PTPRG: variants seen among roughly 807,000 people sequenced by gnomAD.
PTPRG encodes protein tyrosine phosphatase receptor type G, also known as receptor-type tyrosine-protein phosphatase gamma.
A neutral mutation model predicts 165.3 loss-of-function variants in PTPRG; 102 were observed. The observed-to-expected ratio is 0.62, with a 90% confidence interval of 0.53 to 0.73. The LOEUF is 0.73. Among genes scored for constraint, PTPRG ranks in the 30% least tolerant of loss-of-function variants. The probability of loss-of-function intolerance (pLI) is 0.00; values close to 1 mark genes in which losing one functional copy is unlikely to be tolerated. For missense variants in PTPRG, 1,866 were observed against 1,861.4 expected, an observed-to-expected ratio of 1.00 and a Z score of -0.05; for synonymous variants, 675 against 669.5, an observed-to-expected ratio of 1.01 and a Z score of -0.13.
chr3:61,859,070 A>AT (rs2037190070), intron 2 of PTPRG, among the ~76,000 whole-genome samples: 1 of 152,206 alleles, frequency 6.6e-6, no homozygotes, highest in East Asian at 1.9e-4. Context: ...TTAGGAGTTG[A>AT]TTTTTTTAAG....
intron 17 of PTPRG, 87 bp downstream of exon 17, chr3:62,262,981 C>G (rs1481116532): frequency 1.1e-6 from 1 of 932,104 alleles, no homozygotes; most frequent in African/African-American, 1.7e-5. Context: ...CAGTCAGAAG[C>G]AGGATGCCAA....
intron 1 of PTPRG, among the ~76,000 whole-genome samples, chr3:61,660,153 A>AG (rs1385337055): frequency 6.6e-6 from 1 of 152,162 alleles, no homozygotes; most frequent in East Asian, 1.9e-4. Context: ...TGAACCTGGG[A>AG]GGTAGAGGTT....
In PTPRG at chr3:62,191,661, G is replaced by A; in HGVS notation, c.1218+8G>A. The A allele has an allele frequency of 1.2e-6, 2 of 1,613,016 alleles. No homozygotes were observed. The highest frequency in any genetic ancestry group is 1.7e-6 in the Non-Finnish European group (2 of 1,179,186). On this transcript the variant is annotated splice_region_variant and intron_variant, in intron 9 of 29. Coordinates refer to ENST00000474889, the MANE Select transcript of PTPRG (RefSeq NM_002841.4). ...GACAGCGACAAAGACTTGGTATGAA[G>A]CCCCTCCTCTGATTCAGGGTACATG... is the stretch of plus-strand genomic sequence containing the variant.
intron 5 of PTPRG, among the ~76,000 whole-genome samples, chr3:62,096,496 G>A (rs942476980): frequency 3.3e-5 from 5 of 152,072 alleles, no homozygotes; most frequent in African/African-American, 1.2e-4. Context: ...TTCTGGTTCT[G>A]TTTTAATTTT....
chr3:61,851,153 A>G (rs2036953553), intron 2 of PTPRG, among the ~76,000 whole-genome samples: 1 of 152,224 alleles, frequency 6.6e-6, no homozygotes, highest in Non-Finnish European at 1.5e-5. Context: ...GTTGCAAACA[A>G]CTGAAGGCTG....
At chr3:62,068,423 A>T (rs898384786) in intron 4 of PTPRG, among the ~76,000 whole-genome samples, 1 of 152,156 alleles carries the variant, frequency 6.6e-6, no homozygotes, top group African/African-American at 2.4e-5. Context: ...CTTATATTAA[A>T]TGGAATGAAT....
intron 1 of PTPRG, among the ~76,000 whole-genome samples, chr3:61,607,065 C>G (rs887811519): frequency 1.3e-5 from 2 of 152,196 alleles, no homozygotes; most frequent in African/African-American, 4.8e-5. Flanking sequence ...AAAGAGGACT[C>G]TCTGCCAAGA....
intron 8 of PTPRG, among the ~76,000 whole-genome samples, chr3:62,169,768 C>T (rs529192221): frequency 6.6e-6 from 1 of 152,248 alleles, no homozygotes; most frequent in Non-Finnish European, 1.5e-5. Flanking sequence ...TTTATCAACA[C>T]TGGAGGTAGA....
intron 1 of PTPRG, among the ~76,000 whole-genome samples, chr3:61,745,777 A>G (rs539353244): frequency 6.6e-6 from 1 of 152,318 alleles, no homozygotes; most frequent in Non-Finnish European, 1.5e-5. Flanking sequence ...GGTTGGTTTT[A>G]AAGTAGCCCA....
At chr3:61,640,907 G>T (rs1396211218) in intron 1 of PTPRG, among the ~76,000 whole-genome samples, 2 of 152,176 alleles carry the variant, frequency 1.3e-5, no homozygotes, top group Admixed American at 6.5e-5. Context: ...GAAGGTGTTT[G>T]CCCATCAGAA....
chr3:61,972,704 G>A (rs2040412265), intron 2 of PTPRG, among the ~76,000 whole-genome samples: 3 of 151,160 alleles, frequency 2.0e-5, no homozygotes, highest in East Asian at 1.9e-4. Flanking sequence ...CCAGGGTGGG[G>A]TACAGTCGCA....
At chr3:61,982,735 G>A (rs2040669650) in intron 2 of PTPRG, among the ~76,000 whole-genome samples, 1 of 152,070 alleles carries the variant, frequency 6.6e-6, no homozygotes, top group African/African-American at 2.4e-5. Context: ...TTTACCATCA[G>A]GATTAGAGTC....
At chr3:62,189,834 G>A (rs1342267053) in intron 8 of PTPRG, among the ~76,000 whole-genome samples, 1 of 152,164 alleles carries the variant, frequency 6.6e-6, no homozygotes, top group East Asian at 1.9e-4. Flanking sequence ...AGAAAGGCCA[G>A]AGTTCAAATC....
chr3:62,021,029 G>T (rs1488523841), intron 4 of PTPRG, among the ~76,000 whole-genome samples: 1 of 152,012 alleles, frequency 6.6e-6, no homozygotes, highest in Non-Finnish European at 1.5e-5. Flanking sequence ...GATCCCTGGG[G>T]TTCATATTTC....
chr3:61,946,560 C>A (rs186612043), intron 2 of PTPRG, among the ~76,000 whole-genome samples: 1 of 152,208 alleles, frequency 6.6e-6, no homozygotes, highest in African/African-American at 2.4e-5. Context: ...ATAGATTGTG[C>A]TGTGCATGGT....
intron 6 of PTPRG, among the ~76,000 whole-genome samples, chr3:62,151,237 A>G (rs372164929): frequency 2.0e-5 from 3 of 152,346 alleles, no homozygotes. Flanking sequence ...ATGGTTGACC[A>G]TGACTTGAAA....
intron 2 of PTPRG, among the ~76,000 whole-genome samples, chr3:61,883,639 A>G (rs2037948986): frequency 6.6e-6 from 1 of 152,176 alleles, no homozygotes; most frequent in Non-Finnish European, 1.5e-5. Context: ...TTAATATAAA[A>G]ATACATATCA....
intron 2 of PTPRG, among the ~76,000 whole-genome samples, chr3:61,947,547 A>G (rs768437425): frequency 2.6e-4 from 40 of 152,196 alleles, no homozygotes; most frequent in Admixed American, 4.6e-4. Flanking sequence ...GGATTTATTC[A>G]GGCATGTATA....
intron 1 of PTPRG, among the ~76,000 whole-genome samples, chr3:61,705,624 ATGAATCAGGTG>A (rs1478857810): frequency 6.6e-6 from 1 of 152,214 alleles, no homozygotes; most frequent in Non-Finnish European, 1.5e-5. Context: ...TTGATGTTAA[ATGAATCAGGTG>A]TTATGGGCCT....
Sources: allele counts gnomAD v4.1 joint callset (sites outside exome capture counted in the v4.1 genomes callset), GRCh38; gene constraint gnomAD v4.1.1; transcripts MANE v1.5; gene names NCBI Gene and HGNC (gene_info 2026-07-23, HGNC 2026-07-21).